MAPKAPK3: variants seen among roughly 807,000 people sequenced by gnomAD.
MAPKAPK3 encodes the protein MAPK activated protein kinase 3.
In MAPKAPK3, 35 loss-of-function variants were observed where a neutral mutation model predicts 49.2. The ratio of observed to expected loss-of-function variants is 0.71; its 90% CI spans 0.54 to 0.94. The LOEUF is 0.94. Ranked by LOEUF, MAPKAPK3 falls within the 40% of genes least tolerant of loss-of-function variation. MAPKAPK3 has a pLI of 0.00. For synonymous variants in MAPKAPK3, 178 were observed against 188.7 expected, an observed-to-expected ratio of 0.94 and a Z score of 0.46; for missense variants, 398 against 493.1, an observed-to-expected ratio of 0.81 and a Z score of 1.83.
intron 2 of MAPKAPK3, among the ~76,000 whole-genome samples, chr3:50,625,834 C>T (rs983782060): frequency 3.3e-5 from 5 of 152,114 alleles, no homozygotes; most frequent in South Asian, 4.1e-4. Context: ...TGAGGGCAGG[C>T]GGAGGACAGA....
chr3:50,641,626 TG>T lies in MAPKAPK3; in HGVS notation c.360-78del, dbSNP rs1304964958. On this transcript the variant is annotated intron_variant, in intron 3 of 10. Coordinates refer to ENST00000621469, the MANE Select transcript of MAPKAPK3 (RefSeq NM_001243925.2). ...GAGCGGAGCAGCAGGGTCTGAAGCC[TG>T]GGCCTATGATTTGGGGCAGGGGCAA... 1.8e-5 allele frequency: 20 copies of T among 1,137,378 alleles called. No homozygotes were observed. In the East Asian group the frequency reaches 4.7e-4, roughly 27 times the overall value. The allele number at this position is 1,137,378 out of a possible 1,614,324, so 70.5% of individuals were successfully genotyped here. A position where few individuals can be genotyped will look rare whatever the true frequency, so the allele number is the denominator to read the frequency against.
In MAPKAPK3 at chr3:50,642,336, A is replaced by G. The variant is rs1473199860; in HGVS notation, c.504+4A>G. On this transcript the variant is annotated splice_donor_region_variant and intron_variant, in intron 5 of 10. Transcript: ENST00000621469. ...CATTGCCCACCGAGATGTCAAGGTG[A>G]GGCTCCAGGATTCAGGTTGGGGGCC... 11 of 1,610,554 alleles carry G rather than the reference A, an allele frequency of 6.8e-6. No individual in the cohort carries two copies. In the Admixed American group the frequency reaches 1.7e-4, roughly 24 times the overall value.
At chr3:50,617,368 C>T in intron 1 of MAPKAPK3, 127 bp downstream of exon 1, 2 of 502,762 alleles carry the variant, frequency 4.0e-6, no homozygotes, top group East Asian at 5.9e-5. Context: ...GCGACCACCG[C>T]CCCTTGCTGC....
At chr3:50,643,059 G>C (rs4476497) in intron 5 of MAPKAPK3, among the ~76,000 whole-genome samples, 132,455 of 152,188 alleles carry the variant, frequency 0.87, 59,361 homozygotes, top group Non-Finnish European at 0.99. Flanking sequence ...ACCATGTTAG[G>C]CAGGTTGGTC....
Position 50,635,920 on chromosome 3 carries a change from CAAAAAAAA to C in MAPKAPK3, c.220-4427_220-4420del, listed in dbSNP as rs748358137. 1.5e-4 allele frequency among the ~76,000 whole-genome samples: 11 copies of C among 73,490 alleles called. No homozygotes were observed. The South Asian group carries it at 3.8e-3, about 26-fold the overall frequency. 48.2% of individuals were successfully genotyped at this position (73,490 alleles called of 152,430 possible). On this transcript the variant is annotated intron_variant, in intron 2 of 10. Coordinates refer to ENST00000621469, the MANE Select transcript of MAPKAPK3 (RefSeq NM_001243925.2). ...CAACATGATAAAACCCCGTCTCTACCAAAAAAAAAAAAAAAAAAAAAAAAAACCAAAAA... is the reference window on the plus strand; with the variant it reads ...CAACATGATAAAACCCCGTCTCTACCAAAAAAAAAAAAAAAAAACCAAAAA...
At chr3:50,645,963 G>C (rs914590207) in intron 7 of MAPKAPK3, among the ~76,000 whole-genome samples, 177 bp from the exon 8 acceptor site, 1 of 152,112 alleles carries the variant, frequency 6.6e-6, no homozygotes, top group Non-Finnish European at 1.5e-5. Context: ...GGTGCCTGAG[G>C]GTCTCCCCAT....
intron 2 of MAPKAPK3, among the ~76,000 whole-genome samples, chr3:50,620,854 G>T (rs146875306): frequency 6.4e-4 from 98 of 152,316 alleles, no homozygotes; most frequent in African/African-American, 2.3e-3. Flanking sequence ...TCCAGTGTCT[G>T]CTTCTCCTGC....
chr3:50,636,251 C>T (rs1355211747), intron 2 of MAPKAPK3, among the ~76,000 whole-genome samples: 2 of 152,224 alleles, frequency 1.3e-5, no homozygotes, highest in African/African-American at 4.8e-5. Flanking sequence ...CTGGTGTTGG[C>T]CTGGCTGGGG....
At chr3:50,617,918 A>C in intron 2 of MAPKAPK3, 134 bp downstream of exon 2, 1 of 686,080 alleles carries the variant, frequency 1.5e-6, no homozygotes, top group Non-Finnish European at 2.5e-6. Context: ...CTGTCCTGTA[A>C]GGTCAGGCTT....
At chr3:50,647,032 C>T (rs1477874220) in intron 9 of MAPKAPK3, 91 bp from the exon 10 acceptor site, 5 of 1,257,322 alleles carry the variant, frequency 4.0e-6, no homozygotes, top group Admixed American at 2.1e-5. Context: ...GTTTTTCCAT[C>T]TGAGTCTGGG....
intron 2 of MAPKAPK3, among the ~76,000 whole-genome samples, chr3:50,620,211 A>G (rs1051605790): frequency 2.0e-5 from 3 of 152,086 alleles, no homozygotes; most frequent in Non-Finnish European, 2.9e-5. Flanking sequence ...GCTTCTGCCC[A>G]TTGCCCAGGA....
At chr3:50,636,658 A>G (rs774923355) in intron 2 of MAPKAPK3, among the ~76,000 whole-genome samples, 1 of 152,226 alleles carries the variant, frequency 6.6e-6, no homozygotes, top group Non-Finnish European at 1.5e-5. Context: ...ATATTGAAAG[A>G]AAGAAAAACA....
intron 9 of MAPKAPK3, 137 bp downstream of exon 9, chr3:50,646,962 T>C: frequency 9.7e-7 from 1 of 1,029,210 alleles, no homozygotes; most frequent in Non-Finnish European, 1.5e-6. Context: ...TACTAGGGCC[T>C]CACCTACAAC....
At chr3:50,631,391 A>C (rs748208160) in intron 2 of MAPKAPK3, among the ~76,000 whole-genome samples, 8 of 152,230 alleles carry the variant, frequency 5.3e-5, no homozygotes, top group Admixed American at 2.0e-4. Context: ...AGCTTTAAGA[A>C]GGAAAAGTCT....
At chr3:50,616,567 G>GTA (rs2032467605), upstream of MAPKAPK3, among the ~76,000 whole-genome samples, 1 of 152,184 alleles carries the variant, frequency 6.6e-6, no homozygotes, top group African/African-American at 2.4e-5. Context: ...CCAGGATGCT[G>GTA]TATATACCAA....
At chr3:50,637,085 G>A (rs1576009124) in intron 2 of MAPKAPK3, among the ~76,000 whole-genome samples, 1 of 152,128 alleles carries the variant, frequency 6.6e-6, no homozygotes, top group African/African-American at 2.4e-5. Context: ...AGCTCCACCT[G>A]CTCCTCTACC....
At chr3:50,641,109 G>A (rs1477036321) in intron 3 of MAPKAPK3, among the ~76,000 whole-genome samples, 4 of 152,238 alleles carry the variant, frequency 2.6e-5, no homozygotes, top group African/African-American at 4.8e-5. Flanking sequence ...TAACTCAGAT[G>A]TAAGATGTGG....
Position 50,640,378 on chromosome 3 carries a change from A to G in MAPKAPK3, c.232A>G (p.Ser78Gly). Residue 78 changes from serine (S) to glycine (G), a missense_variant, in exon 3 of 11, where the codon AGC becomes GGC. By Grantham distance (56) the Ser-to-Gly change is moderately conservative. Coordinates refer to ENST00000621469, the MANE Select transcript of MAPKAPK3 (RefSeq NM_001243925.2). ...CACCCACCTACAGCTCCTGTATGAC[A>G]GCCCCAAGGCCCGGCAGGAGGTAGA... ...QKCALKLLYD[S>G]PKARQEVDHH... 1.2e-6 allele frequency: 2 copies of G among 1,613,852 alleles called. No homozygotes were observed. The highest frequency in any genetic ancestry group is 1.7e-6 in the Non-Finnish European group (2 of 1,179,814).
chr3:50,632,550 G>A (rs768056027), intron 2 of MAPKAPK3, among the ~76,000 whole-genome samples: 3 of 152,184 alleles, frequency 2.0e-5, no homozygotes, highest in Non-Finnish European at 4.4e-5. Flanking sequence ...CTAGATCCTT[G>A]GCCTCCAGGA....
Sources: allele counts gnomAD v4.1 joint callset (sites outside exome capture counted in the v4.1 genomes callset), GRCh38; gene constraint gnomAD v4.1.1; transcripts MANE v1.5; gene names NCBI Gene and HGNC (gene_info 2026-07-23, HGNC 2026-07-21).